Variants in RYR2 observed in about 807,000 individuals in gnomAD.
RYR2 encodes the protein ryanodine receptor 2.
In RYR2, 227 loss-of-function variants were observed where a neutral mutation model predicts 601.1. The observed-to-expected ratio is 0.38, with a 90% CI of 0.34 to 0.42. The LOEUF is 0.42. Ranked by LOEUF, RYR2 falls within the 10% of genes least tolerant of loss-of-function variation. RYR2 has a pLI of 1.00. For missense variants in RYR2, 4,646 were observed against 6,156.5 expected, an observed-to-expected ratio of 0.75 and a Z score of 8.21; for synonymous variants, 2,223 against 2,175.1, an observed-to-expected ratio of 1.02 and a Z score of -0.61.
At chr1:237,482,634 T>G (rs961306342) in intron 17 of RYR2, among the ~76,000 whole-genome samples, 1 of 152,172 alleles carries the variant, frequency 6.6e-6, no homozygotes, top group African/African-American at 2.4e-5. Flanking sequence ...TCCAAATCAT[T>G]GCAATTATGA....
Position 237,553,706 on chromosome 1 carries a change from G to A in RYR2, c.3214+3015G>A, listed in dbSNP as rs1421223194. Among the ~76,000 whole-genome samples the A allele has an allele frequency of 2.0e-5, 3 of 151,748 alleles. No individual in the cohort carries two copies. The East Asian group carries it at 5.8e-4, about 29-fold the overall frequency. On this transcript the variant is annotated intron_variant, in intron 27 of 104. Coordinates refer to ENST00000366574, the MANE Select transcript of RYR2 (RefSeq NM_001035.3). The stretch of plus-strand genomic sequence containing the variant: ...TGTCCATTTATTTTCATCCTCTTTA[G>A]TTTCTCTTAGCATTGCTTTGCAGTT...
intron 17 of RYR2, among the ~76,000 whole-genome samples, chr1:237,489,522 C>T (rs112782987): frequency 0.065 from 9,890 of 152,094 alleles, 556 homozygotes; most frequent in African/African-American, 0.15. Context: ...CTGGGCATGG[C>T]GGTGGGTGCC....
chr1:237,605,500 T>C (rs1004962500), intron 35 of RYR2, among the ~76,000 whole-genome samples: 4 of 152,178 alleles, frequency 2.6e-5, no homozygotes, highest in Admixed American at 1.3e-4. Flanking sequence ...GCATTCCCTT[T>C]GAAAACTGGC....
intron 2 of RYR2, among the ~76,000 whole-genome samples, chr1:237,271,107 G>T (rs762509905): frequency 4.0e-5 from 6 of 151,512 alleles, no homozygotes; most frequent in Non-Finnish European, 7.4e-5. Flanking sequence ...TTCATTGGTA[G>T]AAAATGGGAT....
At chr1:237,301,924 C>T (rs553174633) in intron 2 of RYR2, among the ~76,000 whole-genome samples, 1 of 152,240 alleles carries the variant, frequency 6.6e-6, no homozygotes, top group South Asian at 2.1e-4. Context: ...AGTAGCCTCA[C>T]CTGTTAAGGC....
Position 237,491,944 on chromosome 1 carries a change from T to C in RYR2, c.1827+20T>C. 1 of 976,120 alleles carries C rather than the reference T, an allele frequency of 1.0e-6. No homozygotes were observed. Among genetic ancestry groups the C allele is most frequent in the Non-Finnish European group, 1.6e-6 (1 of 641,128 alleles). 60.5% of individuals were successfully genotyped at this position (976,120 alleles called of 1,614,324 possible). On this transcript the variant is annotated intron_variant, in intron 18 of 104. Coordinates refer to ENST00000366574, the MANE Select transcript of RYR2 (RefSeq NM_001035.3). ...CACAAGGTAAATGAACTATTTTATT[T>C]CCCTGAATGAATTCTCAAATCCTTT...
In RYR2 at chr1:237,335,218, TG is replaced by T. The variant is rs145335519; in HGVS notation, c.273+4237del. ...ATGATAGCATTTGCTTGTTTCCATG[TG>T]TTTTGTAGTTAATAAAGTTTCATAA... On this transcript the variant is annotated intron_variant, in intron 3 of 104. Coordinates refer to ENST00000366574, the MANE Select transcript of RYR2 (RefSeq NM_001035.3). Among the ~76,000 whole-genome samples, 903 of 152,336 alleles carry T rather than the reference TG, an allele frequency of 5.9e-3. 5 individuals are homozygous for T. Among genetic ancestry groups the T allele is most frequent in the African/African-American group, 0.018 (753 of 41,580 alleles).
intron 1 of RYR2, among the ~76,000 whole-genome samples, chr1:237,045,303 A>G (rs1660439313): frequency 6.6e-6 from 1 of 152,112 alleles, no homozygotes; most frequent in Non-Finnish European, 1.5e-5. Flanking sequence ...TAGAGGTGAA[A>G]TCTTTAATGG....
At chr1:237,470,883 G>T (rs1660643705) in intron 17 of RYR2, among the ~76,000 whole-genome samples, 1 of 151,920 alleles carries the variant, frequency 6.6e-6, no homozygotes, top group South Asian at 2.1e-4. Context: ...AGAGATAGGG[G>T]CAGAGAGGAG....
At chr1:237,633,832 G>A (rs1203714136) in intron 43 of RYR2, 122 bp downstream of exon 43, 2 of 988,816 alleles carry the variant, frequency 2.0e-6, no homozygotes, top group East Asian at 5.4e-5. Flanking sequence ...AAAGAAGACA[G>A]ATAGTTGGCC....
chr1:237,746,757 G>A (rs1048796505), intron 80 of RYR2, among the ~76,000 whole-genome samples: 3 of 151,946 alleles, frequency 2.0e-5, no homozygotes, highest in East Asian at 1.9e-4. Context: ...TAAAGAGGCC[G>A]ATGTTAATTG....
chr1:237,368,399 G>C (rs1227513936), intron 5 of RYR2, among the ~76,000 whole-genome samples: 1 of 152,160 alleles, frequency 6.6e-6, no homozygotes, highest in East Asian at 1.9e-4. Flanking sequence ...TGTATTCCGA[G>C]ATGGGGCAGC....
chr1:237,143,760 A>C (rs918541565), intron 1 of RYR2, among the ~76,000 whole-genome samples: 1 of 152,068 alleles, frequency 6.6e-6, no homozygotes, highest in Non-Finnish European at 1.5e-5. Flanking sequence ...ACCCAACTCA[A>C]ATACCCCCTG....
intron 1 of RYR2, among the ~76,000 whole-genome samples, chr1:237,049,261 G>A (rs1660960023): frequency 6.6e-6 from 1 of 152,210 alleles, no homozygotes; most frequent in African/African-American, 2.4e-5. Flanking sequence ...AGAGTCAGAA[G>A]CTGTATTTCA....
intron 1 of RYR2, among the ~76,000 whole-genome samples, chr1:237,154,148 T>C (rs1675041527): frequency 6.6e-6 from 1 of 152,024 alleles, no homozygotes; most frequent in Non-Finnish European, 1.5e-5. Flanking sequence ...AGCTCAGGAG[T>C]TATGGATGCG....
chr1:237,666,366 T>C, intron 56 of RYR2, 146 bp from the exon 57 acceptor site: 1 of 684,084 alleles, frequency 1.5e-6, no homozygotes, highest in Non-Finnish European at 2.6e-6. Context: ...GAGATGTGTT[T>C]ACAACATCAT....
chr1:237,242,717 G>A (rs554181144), intron 1 of RYR2, among the ~76,000 whole-genome samples: 1 of 152,228 alleles, frequency 6.6e-6, no homozygotes, highest in East Asian at 1.9e-4. Flanking sequence ...ATTTCCTACA[G>A]AAAATGGCCT....
intron 12 of RYR2, among the ~76,000 whole-genome samples, chr1:237,427,759 G>C (rs1706322998): frequency 7.9e-6 from 1 of 126,208 alleles, no homozygotes; most frequent in Admixed American, 1.0e-4. Context: ...CTCCAGCCTG[G>C]GCAACAGAGC....
chr1:237,121,093 TGTA>T (rs1670727123), intron 1 of RYR2: 2 of 151,998 alleles, frequency 1.3e-5, no homozygotes, highest in Admixed American at 6.6e-5. Context: ...GTGAGACCAC[TGTA>T]GGTGGTTTCA....
Sources: allele counts gnomAD v4.1 joint callset (sites outside exome capture counted in the v4.1 genomes callset), GRCh38; gene constraint gnomAD v4.1.1; transcripts MANE v1.5; gene names NCBI Gene and HGNC (gene_info 2026-07-23, HGNC 2026-07-21).